Variants in ABCB11 observed in about 807,000 individuals in gnomAD.
ABCB11 encodes the protein ATP binding cassette subfamily B member 11, also known as bile salt export pump.
A neutral mutation model predicts 148.0 loss-of-function variants in ABCB11; 95 were observed. That is an observed-to-expected ratio of 0.64 (90% CI 0.54 to 0.76). The LOEUF (loss-of-function observed/expected upper bound fraction) is 0.76. Ranked by LOEUF, ABCB11 falls within the 30% of genes least tolerant of loss-of-function variation. The pLI, the probability that ABCB11 is intolerant of heterozygous loss-of-function variation, is 0.00. For missense variants in ABCB11, 1,523 were observed against 1,617.8 expected, an observed-to-expected ratio of 0.94 and a Z score of 1.01; for synonymous variants, 591 against 555.4, an observed-to-expected ratio of 1.06 and a Z score of -0.90.
At chr2:168,994,299 C>A (rs1020383907) in intron 7 of ABCB11, among the ~76,000 whole-genome samples, 1 of 152,116 alleles carries the variant, frequency 6.6e-6, no homozygotes, top group African/African-American at 2.4e-5. Context: ...AGAAGTAACA[C>A]CTTTCTCCCT....
At chr2:168,943,928 T>C (rs1692185030) in intron 21 of ABCB11, among the ~76,000 whole-genome samples, 1 of 151,960 alleles carries the variant, frequency 6.6e-6, no homozygotes, top group South Asian at 2.1e-4. Flanking sequence ...ATTAGGGTTT[T>C]TTAAAAAATT....
chr2:168,927,845 A>G (rs1380310593), intron 25 of ABCB11, among the ~76,000 whole-genome samples: 3 of 152,208 alleles, frequency 2.0e-5, no homozygotes, highest in African/African-American at 7.2e-5. Context: ...AAAAAGGAAT[A>G]CATTTATTCA....
At chr2:168,957,264 G>A (rs890335751) in intron 19 of ABCB11, among the ~76,000 whole-genome samples, 1 of 151,610 alleles carries the variant, frequency 6.6e-6, no homozygotes, top group African/African-American at 2.4e-5. Flanking sequence ...GCCTTGGTTT[G>A]CTCCTTTGTA....
chr2:168,956,330 A>T (rs935255275), intron 19 of ABCB11, among the ~76,000 whole-genome samples: 1 of 151,764 alleles, frequency 6.6e-6, no homozygotes, highest in Admixed American at 6.6e-5. Flanking sequence ...ACACAAAGCC[A>T]CACCATTATT....
intron 24 of ABCB11, among the ~76,000 whole-genome samples, chr2:168,931,626 A>G (rs1268985658): frequency 6.6e-6 from 1 of 152,238 alleles, no homozygotes; most frequent in African/African-American, 2.4e-5. Context: ...AATTAAATCA[A>G]TGTTATTGGA....
At chr2:169,016,857 G>C in intron 2 of ABCB11, 58 bp from the exon 3 acceptor site, 16 of 1,332,440 alleles carry the variant, frequency 1.2e-5, no homozygotes, top group Non-Finnish European at 1.5e-5. Context: ...AAAATGCAAC[G>C]CAGTCATTAA....
chr2:168,996,634 C>A lies in ABCB11; in HGVS notation c.477+1G>T. The A allele has an allele frequency of 1.3e-6, 2 of 1,499,872 alleles. No homozygotes were observed. The highest frequency in any genetic ancestry group is 1.8e-6 in the Non-Finnish European group (2 of 1,112,104). The allele number at this position is 1,499,872 out of a possible 1,614,324, so 92.9% of individuals were successfully genotyped here. A position where few individuals can be genotyped will look rare whatever the true frequency, so the allele number is the denominator to read the frequency against. The stretch of plus-strand genomic sequence containing the variant: ...ATAAATTATACGGAGGAGCTACTAA[C>A]TTGAATATATCCTGTGATAAGTACT... On this transcript the variant is annotated splice_donor_variant, in intron 6 of 27. Coordinates refer to ENST00000650372, the MANE Select transcript of ABCB11 (RefSeq NM_003742.4). LOFTEE classifies it high-confidence loss of function.
chr2:168,990,850 A>G lies in ABCB11; in HGVS notation c.859T>C (p.Ser287Pro). The G allele has an allele frequency of 1.2e-6, 2 of 1,613,242 alleles. No homozygotes were observed. Among genetic ancestry groups the G allele is most frequent in the Non-Finnish European group, 1.7e-6 (2 of 1,179,364 alleles). ...AGVVADEVIS[S>P]MRTVAAFGGE... ...CCAAAAGCAGCCACTGTTCTCATTG[A>G]TGAAATGACTTCATCAGCCACCACC... The change falls in exon 9 of 28, where the codon TCA becomes CCA. Residue 287 changes from serine (S) to proline (P), a missense_variant. Transcript: ENST00000650372.
intron 1 of ABCB11, among the ~76,000 whole-genome samples, chr2:169,019,152 C>T (rs1287549425): frequency 6.6e-6 from 1 of 151,956 alleles, no homozygotes; most frequent in Non-Finnish European, 1.5e-5. Flanking sequence ...GAAATGCAGA[C>T]CCATGGAGGT....
At chr2:168,978,413 G>A (rs909160315) in intron 11 of ABCB11, among the ~76,000 whole-genome samples, 1 of 151,876 alleles carries the variant, frequency 6.6e-6, no homozygotes, top group Non-Finnish European at 1.5e-5. Context: ...TGGGATTACA[G>A]GTGTGAGCCA....
intron 8 of ABCB11, among the ~76,000 whole-genome samples, chr2:168,992,100 G>C (rs1005879254): frequency 1.4e-5 from 2 of 145,506 alleles, no homozygotes; most frequent in African/African-American, 2.6e-5. Flanking sequence ...ATTTACATTT[G>C]AGCCTAGTGA....
chr2:169,021,515 G>T (rs1345032523), intron 1 of ABCB11, among the ~76,000 whole-genome samples: 1 of 151,904 alleles, frequency 6.6e-6, no homozygotes, highest in Non-Finnish European at 1.5e-5. Flanking sequence ...ACACAACATA[G>T]CCTGCAACTG....
chr2:168,952,583 T>C lies in ABCB11; in HGVS notation c.2343+5381A>G, dbSNP rs1033219409. Among the ~76,000 whole-genome samples, 3 of 151,572 alleles carry C rather than the reference T, an allele frequency of 2.0e-5. No homozygotes were observed. In the South Asian group the frequency reaches 6.2e-4, roughly 31 times the overall value. ...ATAATATCTTCTTTTTCATTTTTGA[T>C]TGAGTTTATTTGGATTTTCTCTCTT... On this transcript the variant is annotated intron_variant, in intron 19 of 27. Coordinates refer to ENST00000650372, the MANE Select transcript of ABCB11 (RefSeq NM_003742.4).
At chr2:168,939,379 CA>C (rs1002317178) in intron 21 of ABCB11, among the ~76,000 whole-genome samples, 2 of 152,034 alleles carry the variant, frequency 1.3e-5, no homozygotes, top group African/African-American at 4.8e-5. Context: ...CTCCAAAAAA[CA>C]TTGAAAAACT....
Position 168,964,238 on chromosome 2 carries a change from C to T in ABCB11, c.2146G>A (p.Asp716Asn). 6.4e-7 allele frequency: 1 copy of T among 1,565,848 alleles called. No homozygotes were observed. Among genetic ancestry groups the T allele is most frequent in the Non-Finnish European group, 8.7e-7 (1 of 1,153,404 alleles). ...TCTTCTTCATAGGTAGACTTATGAT[C>T]TACAACAGCTAATGGAGGTTCGTGC... is the stretch of plus-strand genomic sequence containing the variant. ...LVHEPPLAVVDHKSTYEEDRK... is the reference protein window; with the variant it reads ...LVHEPPLAVVNHKSTYEEDRK... The change falls in exon 18 of 28, where the codon GAT (aspartate) becomes AAT (asparagine). Residue 716 changes from aspartate (D) to asparagine (N), a missense_variant. Asp to Asn is a conservative substitution (Grantham distance 23). Coordinates refer to ENST00000650372, the MANE Select transcript of ABCB11 (RefSeq NM_003742.4).
rs72549397 is a variant in ABCB11 at position 168,932,421 on chromosome 2, G to A, written c.3169C>T (p.Arg1057Ter). 1.1e-5 allele frequency: 17 copies of A among 1,591,590 alleles called. No homozygotes were observed. The highest frequency in any genetic ancestry group is 4.6e-5 in the South Asian group (4 of 87,396). Residue 1057 changes from arginine (R) to a stop codon, truncating the protein, a stop_gained, in exon 24 of 28, where the codon CGA becomes TGA. Coordinates refer to ENST00000650372, the MANE Select transcript of ABCB11 (RefSeq NM_003742.4). LOFTEE classifies it high-confidence loss of function. ...SAARFFQLLD[R>*]QPPISVYNTA... ...TTGTATACACTGATTGGGGGTTGTC[G>A]GTCCAGCAGTTGAAAAAAGCGTGCA... is the stretch of plus-strand genomic sequence containing the variant.
chr2:168,936,344 C>T lies in ABCB11; in HGVS notation c.2700G>A (p.Leu900=), dbSNP rs371263629. 25 of 1,613,818 alleles carry T rather than the reference C, an allele frequency of 1.5e-5. No individual in the cohort carries two copies. The highest frequency in any genetic ancestry group is 2.0e-5 in the Non-Finnish European group (24 of 1,179,888). The change falls in exon 22 of 28, where the codon CTG becomes CTA. Residue 900 remains leucine, a synonymous_variant. Transcript: ENST00000650372. The part of the protein sequence containing the change: ...MIIAFSFSWK[L]SLVILCFFPF... The stretch of plus-strand genomic sequence containing the variant: ...GGAAGAAGCACAAGATGACCAGGCT[C>T]AGCTTCCAGCTAAAGGAGAAGGCAA...
intron 25 of ABCB11, among the ~76,000 whole-genome samples, chr2:168,928,068 C>T (rs1691393842): frequency 1.3e-5 from 2 of 152,036 alleles, no homozygotes; most frequent in Non-Finnish European, 2.9e-5. Context: ...TAACGTGCTA[C>T]TATAAAGTAT....
rs72551306 is a variant in ABCB11 at position 168,993,781 on chromosome 2, C to T, written c.713G>A (p.Gly238Asp). Residue 238 changes from glycine (G) to aspartate (D), a missense_variant, in exon 8 of 28, where the codon GGT becomes GAT. Physicochemically the swap from Gly to Asp is moderately conservative, Grantham distance 94 (BLOSUM62 -1). Transcript: ENST00000650372. ...AATAATAACCAAGGTCAGTTTCCAA[C>T]CCCTGAAAAATCCCAACAGGAAACC... ...ICGFLLGFFR[G>D]WKLTLVIISV... is the part of the protein sequence containing the mutation. The T allele has an allele frequency of 2.5e-6, 4 of 1,611,040 alleles. No homozygotes were observed. Among genetic ancestry groups the T allele is most frequent in the South Asian group, 1.1e-5 (1 of 90,656 alleles).
Sources: gnomAD v4.1 joint callset for allele counts (sites outside exome capture counted in the v4.1 genomes callset) on GRCh38, gnomAD v4.1.1 for gene constraint, MANE v1.5 for transcripts, NCBI Gene and HGNC (gene_info 2026-07-23, HGNC 2026-07-21) for gene names.